Variants in CEP20 observed in about 807,000 individuals in gnomAD.
CEP20 encodes the protein centrosomal protein 20.
A neutral mutation model predicts 20.0 loss-of-function variants in CEP20; 18 were observed. The observed-to-expected ratio is 0.90, with a 90% CI of 0.62 to 1.34. CEP20 has a LOEUF of 1.34. Among genes scored for constraint, CEP20 ranks in the 40% most tolerant of loss-of-function variants. CEP20 has a pLI of 0.00. For synonymous variants in CEP20, 77 were observed against 73.7 expected (o/e 1.04, Z -0.23); for missense variants, 215 against 201.6 (o/e 1.07, Z -0.40).
At chr16:15,867,989 A>AAG (rs2044724992) in intron 4 of CEP20, among the ~76,000 whole-genome samples, 1 of 151,580 alleles carries the variant, frequency 6.6e-6, no homozygotes, top group East Asian at 1.9e-4. Context: ...AAAAAAAAAA[A>AAG]AAAAGAAAGA....
intron 1 of CEP20, among the ~76,000 whole-genome samples, chr16:15,887,881 G>C (rs1471307710): frequency 1.3e-5 from 2 of 151,876 alleles, no homozygotes; most frequent in Non-Finnish European, 2.9e-5. Flanking sequence ...GATAGCTTGA[G>C]ACCAGGAGTT....
At chr16:15,874,184 AC>A (rs2044888867) in intron 3 of CEP20, among the ~76,000 whole-genome samples, 1 of 152,242 alleles carries the variant, frequency 6.6e-6, no homozygotes, top group Non-Finnish European at 1.5e-5. Context: ...GCTGTTATGC[AC>A]TAAATGAGTT....
chr16:15,882,340 G>A (rs1027879754), intron 2 of CEP20, among the ~76,000 whole-genome samples: 3 of 152,134 alleles, frequency 2.0e-5, no homozygotes, highest in Non-Finnish European at 2.9e-5. Flanking sequence ...AGGAGACTGA[G>A]ACCATCCTGG....
At chr16:15,876,853 T>C (rs1467538375) in intron 3 of CEP20, among the ~76,000 whole-genome samples, 5 of 95,104 alleles carry the variant, frequency 5.3e-5, no homozygotes, top group African/African-American at 1.3e-4. Flanking sequence ...TCAAACTTAC[T>C]TTTTTTTTTT....
chr16:15,882,142 T>C (rs527249808), intron 2 of CEP20, among the ~76,000 whole-genome samples: 31 of 152,136 alleles, frequency 2.0e-4, no homozygotes, highest in Non-Finnish European at 3.4e-4. Flanking sequence ...GCCTTCACCA[T>C]GTAACGTGCT....
chr16:15,876,626 C>A (rs1286402025), intron 3 of CEP20, among the ~76,000 whole-genome samples: 1 of 152,098 alleles, frequency 6.6e-6, no homozygotes, highest in Non-Finnish European at 1.5e-5. Flanking sequence ...ATTTTAAAAC[C>A]CGACAGCATT....
chr16:15,879,438 A>T (rs7187038), intron 3 of CEP20, among the ~76,000 whole-genome samples: 10,511 of 152,188 alleles, frequency 0.069, 486 homozygotes, highest in East Asian at 0.22. Context: ...ACTTGAGGTC[A>T]GGAGTTCGAG....
At chr16:15,872,422 T>C (rs1266317688) in intron 4 of CEP20, among the ~76,000 whole-genome samples, 1 of 151,958 alleles carries the variant, frequency 6.6e-6, no homozygotes, top group Non-Finnish European at 1.5e-5. Context: ...ATAATCAAAA[T>C]AAGTCAGGGC....
chr16:15,882,436 A>C (rs2045121316), intron 2 of CEP20, among the ~76,000 whole-genome samples: 1 of 152,092 alleles, frequency 6.6e-6, no homozygotes, highest in Admixed American at 6.6e-5. Context: ...AGGCTGAGGC[A>C]GGAGAATCAC....
chr16:15,874,362 C>A (rs962856565), intron 3 of CEP20, among the ~76,000 whole-genome samples: 30 of 152,202 alleles, frequency 2.0e-4, no homozygotes, highest in African/African-American at 7.2e-4. Context: ...TAATCCTCAT[C>A]GTGTAATGTC....
intron 3 of CEP20, among the ~76,000 whole-genome samples, chr16:15,878,469 T>A (rs575468971): frequency 6.6e-6 from 1 of 151,282 alleles, no homozygotes; most frequent in Admixed American, 6.6e-5. Context: ...TTTAAAACAT[T>A]TATATAGTAA....
At chr16:15,880,330 T>G (rs533536750) in intron 2 of CEP20, among the ~76,000 whole-genome samples, 2 of 152,304 alleles carry the variant, frequency 1.3e-5, no homozygotes, top group African/African-American at 4.8e-5. Context: ...GGAAAACAGT[T>G]GAGCAGTTTT....
chr16:15,876,620 T>A (rs2044956191), intron 3 of CEP20, among the ~76,000 whole-genome samples: 1 of 152,148 alleles, frequency 6.6e-6, no homozygotes, highest in Non-Finnish European at 1.5e-5. Flanking sequence ...CATGTCATTT[T>A]AAAACCCGAC....
chr16:15,873,420 C>A, intron 4 of CEP20, 71 bp downstream of exon 4: 1 of 1,550,014 alleles, frequency 6.5e-7, no homozygotes, highest in Non-Finnish European at 8.7e-7. Flanking sequence ...AGTAAAGACT[C>A]CAAAAGAAAA....
At position 15,878,077 on chromosome 16, in the gene CEP20, A is replaced by T. The variant is rs1367445217; in HGVS notation, c.311+1727T>A. ...TCACAAAAAGGAAAAAAGAAAAAAA[A>T]AAGAAACAAGGGAAGATGAGAGGAA... On this transcript the variant is annotated intron_variant, in intron 3 of 4. Transcript: ENST00000255759. Among the ~76,000 whole-genome samples, 4 of 152,106 alleles carry T rather than the reference A, an allele frequency of 2.6e-5. No homozygotes were observed. In the East Asian group the frequency reaches 7.7e-4, roughly 29 times the overall value.
chr16:15,888,233 T>C (rs2045293698), intron 1 of CEP20, among the ~76,000 whole-genome samples: 1 of 151,764 alleles, frequency 6.6e-6, no homozygotes, highest in East Asian at 1.9e-4. Context: ...CTGGTCCAAG[T>C]CCTCCAGCCC....
chr16:15,878,336 G>A (rs1413100898), intron 3 of CEP20, among the ~76,000 whole-genome samples: 1 of 152,126 alleles, frequency 6.6e-6, no homozygotes, highest in African/African-American at 2.4e-5. Context: ...AGAAAGAGGT[G>A]TAAAGTGCTA....
chr16:15,882,255 T>C (rs947923582), intron 2 of CEP20, among the ~76,000 whole-genome samples: 5 of 152,266 alleles, frequency 3.3e-5, no homozygotes, highest in South Asian at 2.1e-4. Flanking sequence ...AAACCTCTTT[T>C]CTTCAACCGG....
intron 2 of CEP20, among the ~76,000 whole-genome samples, chr16:15,880,607 A>T (rs2045074194): frequency 6.6e-6 from 1 of 152,190 alleles, no homozygotes; most frequent in Admixed American, 6.5e-5. Flanking sequence ...AAGTGAAAAA[A>T]GGCAGACTCA....
Sources: allele counts gnomAD v4.1 joint callset (sites outside exome capture counted in the v4.1 genomes callset), GRCh38; gene constraint gnomAD v4.1.1; transcripts MANE v1.5; gene names NCBI Gene and HGNC (gene_info 2026-07-23, HGNC 2026-07-21).